The following CTNNA1 variants were observed in gnomAD, a reference collection of about 807,000 sequenced individuals.
CTNNA1 encodes the protein catenin alpha 1.
In CTNNA1, 37 loss-of-function variants were observed where a neutral mutation model predicts 98.4. The ratio of observed to expected loss-of-function variants is 0.38; its 90% confidence interval spans 0.29 to 0.49. The LOEUF is 0.49. CTNNA1 is among the 20% of genes least tolerant of loss of function. The probability of loss-of-function intolerance (pLI) is 0.95; values close to 1 mark genes in which losing one functional copy is unlikely to be tolerated. For missense variants in CTNNA1, 761 were observed against 1,147.2 expected (o/e 0.66, Z 4.86); for synonymous variants, 404 against 413.2 (o/e 0.98, Z 0.27).
At chr5:138,889,575 G>A (rs2150045438) in intron 9 of CTNNA1, among the ~76,000 whole-genome samples, 2 of 152,232 alleles carry the variant, frequency 1.3e-5, no homozygotes, top group Middle Eastern at 6.8e-3. Flanking sequence ...CTTTTTCCAA[G>A]CTTATATATT....
At chr5:138,805,653 G>C (rs1561543211) in intron 3 of CTNNA1, among the ~76,000 whole-genome samples, 2 of 151,644 alleles carry the variant, frequency 1.3e-5, no homozygotes, top group Non-Finnish European at 2.9e-5. Flanking sequence ...GTCTTGCTAT[G>C]TTGCCCAGGC....
rs975702802 is a variant in CTNNA1, at chr5:138,767,925, C to T, written c.-2-13998C>T. Among the ~76,000 whole-genome samples, 8 of 152,284 alleles carry T rather than the reference C, an allele frequency of 5.3e-5. 1 individual carries two copies. Among genetic ancestry groups the T allele is most frequent in the Admixed American group, 5.2e-4 (8 of 15,300 alleles). On this transcript the variant is annotated intron_variant, in intron 1 of 17. Coordinates refer to ENST00000302763, the MANE Select transcript of CTNNA1 (RefSeq NM_001903.5). Reference sequence around the variant, plus strand: ...GTCTGAGGGTTAGCATTGGCTCTCCCTGGGAGCTCTTGAGAAATGCAGAAT... The same window carrying T: ...GTCTGAGGGTTAGCATTGGCTCTCCTTGGGAGCTCTTGAGAAATGCAGAAT...
At chr5:138,900,019 G>C (rs2150115121) in intron 9 of CTNNA1, among the ~76,000 whole-genome samples, 1 of 152,202 alleles carries the variant, frequency 6.6e-6, no homozygotes, top group East Asian at 1.9e-4. Flanking sequence ...CCTTTCCCTG[G>C]AAATTGGAAA....
At chr5:138,767,643 A>G (rs1377324095) in intron 1 of CTNNA1, among the ~76,000 whole-genome samples, 2 of 152,196 alleles carry the variant, frequency 1.3e-5, no homozygotes, top group African/African-American at 4.8e-5. Flanking sequence ...AAGATCTTCA[A>G]ACCTACAGAA....
intron 7 of CTNNA1, among the ~76,000 whole-genome samples, chr5:138,865,037 C>A (rs1040844403): frequency 6.6e-6 from 1 of 152,124 alleles, no homozygotes; most frequent in Non-Finnish European, 1.5e-5. Context: ...TGGTCTTGAA[C>A]TCCTGACCTC....
intron 1 of CTNNA1, among the ~76,000 whole-genome samples, chr5:138,756,660 G>C (rs538302656): frequency 6.6e-6 from 1 of 152,178 alleles, no homozygotes; most frequent in Non-Finnish European, 1.5e-5. Context: ...TTTTTCAGTG[G>C]GGAGAAGACC....
chr5:138,824,353 A>G (rs1304487679), intron 5 of CTNNA1, among the ~76,000 whole-genome samples, 177 bp from the exon 6 acceptor site: 1 of 152,142 alleles, frequency 6.6e-6, no homozygotes, highest in African/African-American at 2.4e-5. Context: ...AAAGCTCAGA[A>G]TCTTACCTAC....
At chr5:138,903,678 C>T (rs1415370889) in intron 9 of CTNNA1, among the ~76,000 whole-genome samples, 3 of 152,176 alleles carry the variant, frequency 2.0e-5, no homozygotes, top group Non-Finnish European at 1.5e-5. Context: ...CAAATTAAGC[C>T]GCATCAGCCA....
intron 1 of CTNNA1, 69 bp from the exon 2 acceptor site, chr5:138,781,854 A>G (rs1002527899): frequency 7.0e-7 from 1 of 1,419,652 alleles, no homozygotes; most frequent in African/African-American, 1.5e-5. Context: ...CCAAAGTAGG[A>G]GAAGATTTGT....
At chr5:138,927,649 G>T (rs530935933) in intron 13 of CTNNA1, among the ~76,000 whole-genome samples, 2 of 152,180 alleles carry the variant, frequency 1.3e-5, no homozygotes, top group East Asian at 3.9e-4. Flanking sequence ...TATGCGAGAG[G>T]AATTTTTGTC....
chr5:138,870,683 CAG>C (rs1765253460), intron 7 of CTNNA1: 1 of 152,216 alleles, frequency 6.6e-6, no homozygotes, highest in African/African-American at 2.4e-5. Flanking sequence ...TGCTGTCCTT[CAG>C]GGCTGATGGA....
chr5:138,775,692 C>T (rs936507324), intron 1 of CTNNA1, among the ~76,000 whole-genome samples: 7 of 150,478 alleles, frequency 4.7e-5, no homozygotes, highest in Admixed American at 2.0e-4. Flanking sequence ...TCTCTTTAGC[C>T]TCCTTTAATC....
rs1023252527 is a variant in CTNNA1 at position 138,867,743 on chromosome 5, CTTTCTTTTTTTTTT to C, written c.1063-18455_1063-18442del. On this transcript the variant is annotated intron_variant, in intron 7 of 17. Coordinates refer to ENST00000302763, the MANE Select transcript of CTNNA1 (RefSeq NM_001903.5). ...TGTATTTTCTCTTATGATTTTCTTT[CTTTCTTTTTTTTTT>C]TTTCTTTTTTTTTAAGATGGAGTCT... is the stretch of plus-strand genomic sequence containing the variant. Among the ~76,000 whole-genome samples, 12 of 143,788 alleles carry C rather than the reference CTTTCTTTTTTTTTT, an allele frequency of 8.3e-5. No homozygotes were observed. The South Asian group carries it at 8.9e-4, about 11-fold the overall frequency. 94.3% of individuals were successfully genotyped at this position (143,788 alleles called of 152,430 possible).
At chr5:138,759,366 C>G (rs1294474768) in intron 1 of CTNNA1, among the ~76,000 whole-genome samples, 1 of 152,190 alleles carries the variant, frequency 6.6e-6, no homozygotes, top group Non-Finnish European at 1.5e-5. Context: ...GAGCCTGCAC[C>G]TTTCCCTGGG....
At position 138,824,771 on chromosome 5, in the gene CTNNA1, A is replaced by G. The variant is rs2149776681; in HGVS notation, c.830A>G (p.Glu277Gly). The change falls in exon 6 of 18, where the codon GAA (glutamate) becomes GGA (glycine). Residue 277 changes from glutamate (E) to glycine (G), a missense_variant. Transcript: ENST00000302763. ...ASQHQGGGGG[E>G]LAYALNNFDK... ...CAGCACCAGGGTGGAGGAGGAGGAGAACTGGCATATGCACTCAATAACTTT... is the reference window on the plus strand; with the variant it reads ...CAGCACCAGGGTGGAGGAGGAGGAGGACTGGCATATGCACTCAATAACTTT... 1 of 1,614,158 alleles carries G rather than the reference A, an allele frequency of 6.2e-7. No homozygotes were observed. The highest frequency in any genetic ancestry group is 8.5e-7 in the Non-Finnish European group (1 of 1,180,024).
chr5:138,753,570 T>TG (rs960772094), intron 1 of CTNNA1, 60 bp downstream of exon 1: 17 of 344,950 alleles, frequency 4.9e-5, no homozygotes, highest in Non-Finnish European at 8.2e-5. Context: ...AGAGGGTCCT[T>TG]GGGCCGGGCC....
intron 1 of CTNNA1, among the ~76,000 whole-genome samples, chr5:138,755,704 C>T (rs1458708356): frequency 6.6e-6 from 1 of 152,128 alleles, no homozygotes; most frequent in African/African-American, 2.4e-5. Context: ...CACATGGTCA[C>T]CTGTGCATTG....
At chr5:138,853,057 T>C (rs1023966381) in intron 7 of CTNNA1, among the ~76,000 whole-genome samples, 3 of 152,166 alleles carry the variant, frequency 2.0e-5, no homozygotes, top group African/African-American at 7.2e-5. Flanking sequence ...CCCTCCCATG[T>C]GTTGTGTGTT....
chr5:138,929,096 G>T, intron 13 of CTNNA1, 150 bp from the exon 14 acceptor site: 2 of 685,132 alleles, frequency 2.9e-6, no homozygotes, highest in Non-Finnish European at 5.3e-6. Context: ...AATGCTGAGT[G>T]ATTTTGACTT....
Sources: allele counts gnomAD v4.1 joint callset (sites outside exome capture counted in the v4.1 genomes callset), GRCh38; gene constraint gnomAD v4.1.1; transcripts MANE v1.5; gene names NCBI Gene and HGNC (gene_info 2026-07-23, HGNC 2026-07-21).